The following ADORA2B variants were observed in gnomAD, a reference collection of about 807,000 sequenced individuals.
ADORA2B encodes adenosine receptor A2b.
In ADORA2B, 18 loss-of-function variants were observed where a neutral mutation model predicts 20.8. The observed-to-expected ratio is 0.87, with a 90% CI of 0.60 to 1.29. ADORA2B has a LOEUF of 1.29. Among genes scored for constraint, ADORA2B ranks in the 50% most tolerant of loss-of-function variants. The probability of loss-of-function intolerance (pLI) is 0.00; values close to 1 mark genes in which losing one functional copy is unlikely to be tolerated. For synonymous variants in ADORA2B, 179 were observed against 178.3 expected (o/e 1.00, Z -0.03); for missense variants, 441 against 422.7 (o/e 1.04, Z -0.38).
chr17:15,890,460 TTTTATTTATTTATTTA>T, the ADORA2B span, among the ~76,000 whole-genome samples: 5 of 83,312 alleles, frequency 6.0e-5, 1 homozygote, highest in Non-Finnish European at 1.3e-4. Flanking sequence ...CATTCCTTTC[TTTTATTTATTTATTTA>T]TTTATTTATT....
chr17:15,883,317 G>A, the ADORA2B span, among the ~76,000 whole-genome samples: 58 of 152,234 alleles, frequency 3.8e-4, 1 homozygote, highest in East Asian at 6.0e-3. Context: ...TCTTTGGAGC[G>A]CTAGAACATT....
chr17:15,904,534 C>A, the ADORA2B span, among the ~76,000 whole-genome samples: 42 of 151,848 alleles, frequency 2.8e-4, no homozygotes, highest in African/African-American at 9.4e-4. Flanking sequence ...ACTACAGGCA[C>A]CCGCCACCAC....
intron 1 of ADORA2B, among the ~76,000 whole-genome samples, chr17:15,946,149 G>A (rs900616066): frequency 1.3e-5 from 2 of 152,228 alleles, no homozygotes; most frequent in African/African-American, 4.8e-5. Flanking sequence ...GCGGAGAGGC[G>A]GCCCGGCCCA....
the ADORA2B span, among the ~76,000 whole-genome samples, chr17:15,882,309 C>T: frequency 0.24 from 36,667 of 152,048 alleles, 4,631 homozygotes; most frequent in Non-Finnish European, 0.28. Flanking sequence ...AGCCACCCTG[C>T]AGGCTAAGGG....
chr17:15,920,183 C>A, the ADORA2B span, among the ~76,000 whole-genome samples: 2 of 152,080 alleles, frequency 1.3e-5, no homozygotes, highest in East Asian at 3.9e-4. Context: ...CATGGACATG[C>A]AGAGTGGAAT....
upstream of ADORA2B, among the ~76,000 whole-genome samples, chr17:15,944,115 G>A (rs975547082): frequency 2.6e-5 from 4 of 152,186 alleles, no homozygotes; most frequent in Non-Finnish European, 5.9e-5. The surrounding 1 kb of genome is among the most constrained non-coding windows in gnomAD (Gnocchi z 4.8). Context: ...AAAGGCGAAG[G>A]CTCAGGGTGT....
the ADORA2B span, among the ~76,000 whole-genome samples, chr17:15,905,813 G>A: frequency 4.6e-5 from 7 of 151,842 alleles, no homozygotes; most frequent in Non-Finnish European, 8.8e-5. Flanking sequence ...GTGCCCCCAT[G>A]CCCAGCTAAT....
In ADORA2B at chr17:15,974,841, C is replaced by T. The variant is rs1970230744; in HGVS notation, c.498C>T (p.Cys166=). 2.5e-6 allele frequency: 4 copies of T among 1,614,048 alleles called. No individual in the cohort carries two copies. Among genetic ancestry groups the T allele is most frequent in the Admixed American group, 1.7e-5 (1 of 59,994 alleles). ...GGGATGGAACCACGAATGAAAGCTGCTGCCTTGTGAAGTGTCTCTTTGAGA... is the reference window on the plus strand; with the variant it reads ...GGGATGGAACCACGAATGAAAGCTGTTGCCTTGTGAAGTGTCTCTTTGAGA... The part of the protein sequence containing the change: ...EPWDGTTNES[C]CLVKCLFENV... Residue 166 remains cysteine (C), a synonymous_variant, in exon 2 of 2, where the codon TGC becomes TGT. Transcript: ENST00000304222.
chr17:15,919,813 G>A, the ADORA2B span, among the ~76,000 whole-genome samples: 37 of 152,218 alleles, frequency 2.4e-4, 1 homozygote, highest in Middle Eastern at 3.4e-3. Context: ...GTACAGGATG[G>A]AAAAGACCCA....
At chr17:15,919,844 T>TA in the ADORA2B span, among the ~76,000 whole-genome samples, 2 of 152,136 alleles carry the variant, frequency 1.3e-5, no homozygotes, top group African/African-American at 2.4e-5. Context: ...CCACTTTTTA[T>TA]AAAAAATAAA....
At chr17:15,922,285 C>T in the ADORA2B span, among the ~76,000 whole-genome samples, 1 of 152,120 alleles carries the variant, frequency 6.6e-6, no homozygotes, top group Non-Finnish European at 1.5e-5. Flanking sequence ...ATTTTTAACC[C>T]CAAAGTTAGC....
chr17:15,943,074 G>A (rs116243928), upstream of ADORA2B, among the ~76,000 whole-genome samples: 737 of 152,316 alleles, frequency 4.8e-3, 9 homozygotes, highest in African/African-American at 0.017. Flanking sequence ...GTGATTGGTG[G>A]AGCAGGTGAT....
chr17:15,932,429 G>A, the ADORA2B span, among the ~76,000 whole-genome samples: 35 of 150,370 alleles, frequency 2.3e-4, no homozygotes, highest in Non-Finnish European at 5.0e-4. Flanking sequence ...GGAGGCAGAG[G>A]TTACAGTGAG....
At chr17:15,966,375 G>T (rs893436442) in intron 1 of ADORA2B, among the ~76,000 whole-genome samples, 1 of 152,208 alleles carries the variant, frequency 6.6e-6, no homozygotes, top group Non-Finnish European at 1.5e-5. Flanking sequence ...GCTCCATCCA[G>T]CCTGTGGCTG....
the ADORA2B span, among the ~76,000 whole-genome samples, chr17:15,883,851 CATGTGA>C: frequency 6.6e-6 from 1 of 152,168 alleles, no homozygotes; most frequent in East Asian, 1.9e-4. Context: ...TGTCTCCATC[CATGTGA>C]TGAACCTGCA....
chr17:15,881,293 G>A, the ADORA2B span, among the ~76,000 whole-genome samples: 1 of 152,074 alleles, frequency 6.6e-6, no homozygotes. Flanking sequence ...AGTAGAGACG[G>A]GGTTTCACTG....
intron 1 of ADORA2B, among the ~76,000 whole-genome samples, chr17:15,964,365 G>C (rs971187611): frequency 2.0e-5 from 3 of 152,076 alleles, no homozygotes; most frequent in Non-Finnish European, 2.9e-5. Context: ...CCAGCACTTT[G>C]GGAGGCCAAG....
At chr17:15,950,865 G>A (rs1332416552) in intron 1 of ADORA2B, among the ~76,000 whole-genome samples, 1 of 152,150 alleles carries the variant, frequency 6.6e-6, no homozygotes, top group Admixed American at 6.6e-5. Context: ...ACCTGGAGAG[G>A]CTTCTCAGCC....
chr17:15,897,308 C>T, the ADORA2B span, among the ~76,000 whole-genome samples: 7 of 152,170 alleles, frequency 4.6e-5, no homozygotes, highest in African/African-American at 1.4e-4. Flanking sequence ...TGGCTCACAC[C>T]TGTAATCCCA....
Sources: gnomAD v4.1 joint callset for allele counts (sites outside exome capture counted in the v4.1 genomes callset) on GRCh38, gnomAD v4.1.1 for gene constraint, Gnocchi (gnomAD v3.1) non-coding constraint, MANE v1.5 for transcripts, NCBI Gene and HGNC (gene_info 2026-07-23, HGNC 2026-07-21) for gene names.